Variants in RANBP2 observed in about 807,000 individuals in gnomAD.
RANBP2 encodes the protein E3 SUMO-protein ligase RanBP2.
A neutral mutation model predicts 303.6 loss-of-function variants in RANBP2; 57 were observed. The ratio of observed to expected loss-of-function variants is 0.19; its 90% CI spans 0.15 to 0.23. The LOEUF is 0.23. Ranked by LOEUF, RANBP2 falls within the 10% of genes least tolerant of loss-of-function variation. RANBP2 has a pLI of 1.00. For missense variants in RANBP2, 3,138 were observed against 3,780.8 expected (o/e 0.83, Z 4.46); for synonymous variants, 1,167 against 1,301.5 (o/e 0.90, Z 2.23).
the RANBP2 span, among the ~76,000 whole-genome samples, chr2:109,141,234 A>G: frequency 6.6e-6 from 1 of 151,932 alleles, no homozygotes; most frequent in Admixed American, 6.6e-5. Context: ...TGTTTCAGTG[A>G]CCCTTCCTCA....
the RANBP2 span, among the ~76,000 whole-genome samples, chr2:109,101,545 CA>C: frequency 6.6e-6 from 1 of 151,814 alleles, no homozygotes; most frequent in Non-Finnish European, 1.5e-5. Flanking sequence ...CAAAACAAAA[CA>C]AAAAAACCCA....
chr2:109,114,011 T>G, the RANBP2 span, among the ~76,000 whole-genome samples: 2 of 152,252 alleles, frequency 1.3e-5, no homozygotes, highest in Non-Finnish European at 2.9e-5. Flanking sequence ...GATAAACTTT[T>G]TGATGTGCTG....
At chr2:109,645,296 A>T in the RANBP2 span, among the ~76,000 whole-genome samples, 1 of 152,226 alleles carries the variant, frequency 6.6e-6, no homozygotes, top group African/African-American at 2.4e-5. Flanking sequence ...TTAGTACGTA[A>T]ATTCAGCAAC....
the RANBP2 span, among the ~76,000 whole-genome samples, chr2:108,927,588 G>A: frequency 1.3e-5 from 2 of 152,116 alleles, no homozygotes; most frequent in Admixed American, 1.3e-4. Context: ...ATAGGTCGGC[G>A]AGGTTCCGTG....
chr2:108,912,049 C>T, the RANBP2 span, among the ~76,000 whole-genome samples: 2 of 152,212 alleles, frequency 1.3e-5, no homozygotes, highest in East Asian at 1.9e-4. Flanking sequence ...TCTGCGTTAG[C>T]GCGTGGGAGG....
At position 108,740,517 on chromosome 2, in the gene RANBP2, T is replaced by C. The variant is rs761291606; in HGVS notation, c.811T>C (p.Ser271Pro). 7 of 1,597,574 alleles carry C rather than the reference T, an allele frequency of 4.4e-6. No individual in the cohort carries two copies. The South Asian group carries it at 7.7e-5, about 18-fold the overall frequency. The change falls in exon 7 of 29, where the codon TCT becomes CCT. Residue 271 changes from serine (S) to proline (P), a missense_variant. This residue lies in a region of RANBP2 where 306 missense variants were observed against 381.9 expected (regional missense o/e 0.80). Transcript: ENST00000283195. The part of the protein sequence containing the change: ...SFDSALQSVK[S>P]LGGNDELSAT... ...TGATAGTGCTCTTCAGTCTGTGAAATCTTTGGGTGGAAATGATGAACTGTC... is the reference window on the plus strand; with the variant it reads ...TGATAGTGCTCTTCAGTCTGTGAAACCTTTGGGTGGAAATGATGAACTGTC...
At chr2:109,145,572 G>A in the RANBP2 span, among the ~76,000 whole-genome samples, 1 of 152,192 alleles carries the variant, frequency 6.6e-6, no homozygotes, top group African/African-American at 2.4e-5. Context: ...CTGTCCGGGG[G>A]GCCTCACTGT....
the RANBP2 span, among the ~76,000 whole-genome samples, chr2:109,119,093 A>G: frequency 6.6e-6 from 1 of 152,268 alleles, no homozygotes; most frequent in Admixed American, 6.5e-5. Context: ...CTGGCTTTTC[A>G]AGAAATATCT....
At chr2:109,451,222 C>T in the RANBP2 span, among the ~76,000 whole-genome samples, 1 of 152,216 alleles carries the variant, frequency 6.6e-6, no homozygotes, top group Non-Finnish European at 1.5e-5. Flanking sequence ...AACAGCTGCT[C>T]TGTGTTTTGT....
At chr2:109,525,031 G>A in the RANBP2 span, among the ~76,000 whole-genome samples, 2 of 150,392 alleles carry the variant, frequency 1.3e-5, no homozygotes, top group South Asian at 4.2e-4. Flanking sequence ...CCACATCACA[G>A]ACTAGTTCAA....
At chr2:109,650,678 T>C in the RANBP2 span, among the ~76,000 whole-genome samples, 2 of 152,186 alleles carry the variant, frequency 1.3e-5, no homozygotes, top group Non-Finnish European at 2.9e-5. Context: ...GCTGTTCTTA[T>C]GGTAGTGAAG....
the RANBP2 span, among the ~76,000 whole-genome samples, chr2:109,549,096 G>A: frequency 2.0e-5 from 3 of 152,150 alleles, no homozygotes; most frequent in African/African-American, 4.8e-5. Context: ...AAAGTTACAT[G>A]TTAGGTATGT....
At chr2:108,910,297 C>A in the RANBP2 span, among the ~76,000 whole-genome samples, 1 of 152,216 alleles carries the variant, frequency 6.6e-6, no homozygotes. Context: ...CACCACCTGA[C>A]CCCTGCCAGT....
At chr2:109,287,631 G>A in the RANBP2 span, among the ~76,000 whole-genome samples, 1 of 152,166 alleles carries the variant, frequency 6.6e-6, no homozygotes. Flanking sequence ...TCCAATGGGA[G>A]GCGGGAGGGG....
the RANBP2 span, among the ~76,000 whole-genome samples, chr2:109,557,466 T>C: frequency 1.8e-4 from 27 of 152,152 alleles, no homozygotes; most frequent in African/African-American, 6.5e-4. Context: ...GAAACATAGC[T>C]GAAAAGTAAA....
the RANBP2 span, among the ~76,000 whole-genome samples, chr2:109,574,991 A>G: frequency 6.6e-6 from 1 of 152,264 alleles, no homozygotes; most frequent in Admixed American, 6.5e-5. Flanking sequence ...AATCCATCAC[A>G]TAAGTTGAAA....
the RANBP2 span, among the ~76,000 whole-genome samples, chr2:109,606,696 T>C: frequency 2.7e-5 from 3 of 112,866 alleles, no homozygotes; most frequent in Non-Finnish European, 5.8e-5. Flanking sequence ...TTTTTTTTTT[T>C]TGAGATGGAG....
chr2:109,140,385 C>G, the RANBP2 span, among the ~76,000 whole-genome samples: 1 of 151,790 alleles, frequency 6.6e-6, no homozygotes, highest in East Asian at 1.9e-4. Context: ...AAATTTCTTG[C>G]CTTTTTTTTT....
chr2:108,756,805 T>C (rs1219595242), intron 17 of RANBP2, among the ~76,000 whole-genome samples: 2 of 152,326 alleles, frequency 1.3e-5, no homozygotes, highest in East Asian at 3.9e-4. Context: ...CTGAAGCCAG[T>C]TCTCATCACA....
Sources: allele counts gnomAD v4.1 joint callset (sites outside exome capture counted in the v4.1 genomes callset), GRCh38; gene constraint gnomAD v4.1.1; regional missense constraint gnomAD v4.1.1; transcripts MANE v1.5; gene names NCBI Gene and HGNC (gene_info 2026-07-23, HGNC 2026-07-21).